The following EML4 variants were observed in gnomAD, a reference collection of about 807,000 sequenced individuals.
EML4 encodes the protein echinoderm microtubule-associated protein-like 4.
EML4 carries 72 observed loss-of-function variants against 129.0 expected under a neutral mutation model. The ratio of observed to expected loss-of-function variants is 0.56; its 90% CI spans 0.46 to 0.68. The LOEUF (loss-of-function observed/expected upper bound fraction) is 0.68, where lower values mean the gene tolerates loss of function less well. EML4 is among the 30% of genes least tolerant of loss of function. The pLI is 0.00. For missense variants in EML4, 1,363 were observed against 1,190.6 expected (o/e 1.14, Z -2.13); for synonymous variants, 532 against 405.0 (o/e 1.31, Z -3.77).
intron 3 of EML4, among the ~76,000 whole-genome samples, chr2:42,260,353 A>G (rs979397756): frequency 6.6e-6 from 1 of 152,082 alleles, no homozygotes; most frequent in African/African-American, 2.4e-5. Context: ...TTTTTAGTAG[A>G]AACGGGGTTT....
intron 1 of EML4, among the ~76,000 whole-genome samples, chr2:42,172,288 T>A (rs1250196312): frequency 6.6e-6 from 1 of 152,202 alleles, no homozygotes; most frequent in African/African-American, 2.4e-5. Context: ...TGACTCATTT[T>A]GTGAAGTGAA....
chr2:42,244,600 T>C (rs1385601752), intron 1 of EML4, among the ~76,000 whole-genome samples: 1 of 152,108 alleles, frequency 6.6e-6, no homozygotes, highest in Non-Finnish European at 1.5e-5. Flanking sequence ...TAAGAGAGGT[T>C]GTGGTGTTAG....
At chr2:42,196,368 G>A (rs1360574623) in intron 1 of EML4, among the ~76,000 whole-genome samples, 1 of 152,202 alleles carries the variant, frequency 6.6e-6, no homozygotes, top group East Asian at 1.9e-4. Flanking sequence ...GAGGTTAGGA[G>A]TGCCAATCAT....
chr2:42,195,321 C>T (rs186317365), intron 1 of EML4, among the ~76,000 whole-genome samples: 2 of 152,262 alleles, frequency 1.3e-5, no homozygotes, highest in East Asian at 3.9e-4. Context: ...TACATTATTA[C>T]ATTTTAAGGA....
chr2:42,234,222 G>C (rs1674521828), intron 1 of EML4, among the ~76,000 whole-genome samples: 1 of 152,168 alleles, frequency 6.6e-6, no homozygotes, highest in African/African-American at 2.4e-5. Flanking sequence ...TTTTATTTTT[G>C]CCAACATAGA....
At chr2:42,294,102 T>C (rs1414956118) in intron 11 of EML4, among the ~76,000 whole-genome samples, 1 of 152,246 alleles carries the variant, frequency 6.6e-6, no homozygotes, top group Non-Finnish European at 1.5e-5. Context: ...TTAGTGAGAA[T>C]TATGATTTAC....
intron 2 of EML4, among the ~76,000 whole-genome samples, chr2:42,255,252 AT>A (rs1452421237): frequency 2.0e-5 from 3 of 151,560 alleles, no homozygotes; most frequent in Non-Finnish European, 2.9e-5. Context: ...CGCCTGGCTA[AT>A]TTTTTGTATT....
At chr2:42,212,785 G>T (rs949741278) in intron 1 of EML4, among the ~76,000 whole-genome samples, 6 of 152,142 alleles carry the variant, frequency 3.9e-5, no homozygotes, top group African/African-American at 1.2e-4. Context: ...ATTGGGTAGG[G>T]CATGAGAATA....
chr2:42,249,173 A>AT (rs1301335945), intron 2 of EML4, among the ~76,000 whole-genome samples: 1 of 152,172 alleles, frequency 6.6e-6, no homozygotes, highest in Non-Finnish European at 1.5e-5. Flanking sequence ...TAAGCAAAGT[A>AT]TTTTCAAATA....
At chr2:42,316,692 T>G (rs1669261424) in intron 18 of EML4, among the ~76,000 whole-genome samples, 1 of 152,242 alleles carries the variant, frequency 6.6e-6, no homozygotes, top group South Asian at 2.1e-4. Flanking sequence ...AGTCTGACAT[T>G]GTCTTTATTT....
At chr2:42,216,708 C>G (rs762478120) in intron 1 of EML4, among the ~76,000 whole-genome samples, 3 of 152,124 alleles carry the variant, frequency 2.0e-5, no homozygotes, top group Non-Finnish European at 4.4e-5. Context: ...ATTATTATAG[C>G]CAAACAATGA....
chr2:42,292,903 A>G (rs1667731703), intron 11 of EML4, among the ~76,000 whole-genome samples: 1 of 152,188 alleles, frequency 6.6e-6, no homozygotes, highest in African/African-American at 2.4e-5. Context: ...GAATATTTGT[A>G]GTTAGTTTTA....
At chr2:42,230,363 A>G (rs1457162869) in intron 1 of EML4, among the ~76,000 whole-genome samples, 2 of 149,528 alleles carry the variant, frequency 1.3e-5, no homozygotes, top group Admixed American at 6.7e-5. Context: ...TGTGGTATAT[A>G]CAATTCCACA....
chr2:42,257,712 CTG>C (rs1665423915), intron 3 of EML4, among the ~76,000 whole-genome samples: 1 of 152,008 alleles, frequency 6.6e-6, no homozygotes, highest in Admixed American at 6.6e-5. Context: ...TGGCAGGTGT[CTG>C]TAGTCGCAGC....
Position 42,317,443 on chromosome 2 carries a change from T to C in EML4, c.2073T>C (p.Ala691=). ...TTATTCTAGATGGTACCTTCCTGGC[T>C]GTAGGATCTCATGACAACTTTATTT... ...MRYSIDGTFL[A]VGSHDNFIYL... Residue 691 remains alanine (A), a synonymous_variant, in exon 19 of 23, where the codon GCT becomes GCC. Transcript: ENST00000318522. The C allele has an allele frequency of 8.1e-6, 13 of 1,611,426 alleles. No individual in the cohort carries two copies. The highest frequency in any genetic ancestry group is 1.0e-5 in the Non-Finnish European group (12 of 1,178,188).
intron 1 of EML4, among the ~76,000 whole-genome samples, chr2:42,202,147 G>A (rs1399779729): frequency 6.6e-6 from 1 of 151,934 alleles, no homozygotes; most frequent in Non-Finnish European, 1.5e-5. Context: ...GGTGTAGACA[G>A]GGAAAGGAGA....
At chr2:42,236,919 T>C (rs975754180) in intron 1 of EML4, among the ~76,000 whole-genome samples, 2 of 152,182 alleles carry the variant, frequency 1.3e-5, no homozygotes, top group African/African-American at 4.8e-5. Context: ...ATGAGGTGCT[T>C]GAGTCTCATT....
intron 2 of EML4, among the ~76,000 whole-genome samples, chr2:42,249,693 G>T (rs542287053): frequency 1.3e-5 from 2 of 151,996 alleles, no homozygotes; most frequent in African/African-American, 2.4e-5. Flanking sequence ...AATATATTTC[G>T]TTGTCTTAGT....
chr2:42,189,927 G>A lies in EML4; in HGVS notation c.25+20291G>A, dbSNP rs773263638. ...CCATTTCCTTGGTTACTAACATCAT[G>A]AGACATATTACGAAGTCAAAATTCC... On this transcript the variant is annotated intron_variant, in intron 1 of 22. Transcript: ENST00000318522. Among the ~76,000 whole-genome samples, 10 of 151,392 alleles carry A rather than the reference G, an allele frequency of 6.6e-5. No homozygotes were observed. The South Asian group carries it at 1.0e-3, about 16-fold the overall frequency.
Sources: allele counts gnomAD v4.1 joint callset (sites outside exome capture counted in the v4.1 genomes callset), GRCh38; gene constraint gnomAD v4.1.1; transcripts MANE v1.5; gene names NCBI Gene and HGNC (gene_info 2026-07-23, HGNC 2026-07-21).